The following PTPN2 variants were observed in gnomAD, a reference collection of about 807,000 sequenced individuals.
The protein encoded by PTPN2 is tyrosine-protein phosphatase non-receptor type 2.
A neutral mutation model predicts 57.3 loss-of-function variants in PTPN2; 19 were observed. The observed-to-expected ratio is 0.33, with a 90% confidence interval of 0.23 to 0.49. The LOEUF (loss-of-function observed/expected upper bound fraction) is 0.49. Ranked by LOEUF, PTPN2 falls within the 20% of genes least tolerant of loss-of-function variation. PTPN2 has a pLI of 0.99. For missense variants in PTPN2, 358 were observed against 501.1 expected (o/e 0.71, Z 2.73); for synonymous variants, 153 against 164.9 (o/e 0.93, Z 0.55).
At chr18:12,811,322 C>T (rs1339337409) in intron 7 of PTPN2, among the ~76,000 whole-genome samples, 2 of 152,060 alleles carry the variant, frequency 1.3e-5, no homozygotes, top group African/African-American at 2.4e-5. Context: ...TTGAAGTTTC[C>T]ACTCTTGACT....
Position 12,793,020 on chromosome 18 carries a change from C to A in PTPN2, c.*1258G>T. On this transcript the variant is annotated 3_prime_UTR_variant, in exon 9 of 9. Transcript: ENST00000309660. ...TAACCTCTTGACCCACCTGGACATC[C>A]AATGAGCATAGTTTGAAAACCACTG... The A allele has an allele frequency of 1.0e-6, 1 of 985,330 alleles. No homozygotes were observed. The highest frequency in any genetic ancestry group is 1.2e-6 in the Non-Finnish European group (1 of 829,838). 61.0% of individuals were successfully genotyped at this position (985,330 alleles called of 1,614,324 possible).
chr18:12,882,033 G>A (rs1598908869), intron 1 of PTPN2, among the ~76,000 whole-genome samples: 1 of 152,218 alleles, frequency 6.6e-6, no homozygotes, highest in Admixed American at 6.5e-5. Flanking sequence ...CTTGCCAGGA[G>A]CATTCTCTGC....
chr18:12,840,968 A>G, intron 2 of PTPN2: 1 of 1,453,194 alleles, frequency 6.9e-7, no homozygotes, highest in Non-Finnish European at 9.1e-7. Context: ...GAATACTTTC[A>G]GCAATCATAC....
At chr18:12,817,803 TTTTC>T (rs2042127731) in intron 5 of PTPN2, among the ~76,000 whole-genome samples, 1 of 152,172 alleles carries the variant, frequency 6.6e-6, no homozygotes, top group African/African-American at 2.4e-5. Context: ...GTTACCAATA[TTTTC>T]TTTAATTCAT....
At chr18:12,852,881 A>T (rs1210666608) in intron 2 of PTPN2, among the ~76,000 whole-genome samples, 7 of 152,220 alleles carry the variant, frequency 4.6e-5, no homozygotes, top group South Asian at 2.1e-4. Context: ...CTGAATTTTT[A>T]AAAAATTCTT....
intron 2 of PTPN2, among the ~76,000 whole-genome samples, chr18:12,852,092 C>T (rs576688515): frequency 6.6e-6 from 1 of 151,750 alleles, no homozygotes; most frequent in Non-Finnish European, 1.5e-5. Flanking sequence ...TTCAGTTATA[C>T]AAGATGGAAA....
intron 2 of PTPN2, among the ~76,000 whole-genome samples, chr18:12,842,528 A>G (rs2043079124): frequency 6.6e-6 from 1 of 152,190 alleles, no homozygotes; most frequent in African/African-American, 2.4e-5. Flanking sequence ...GGTCACATGT[A>G]AGCACAGATG....
chr18:12,795,289 T>C (rs1212988986), intron 8 of PTPN2, among the ~76,000 whole-genome samples: 2 of 152,282 alleles, frequency 1.3e-5, no homozygotes, highest in African/African-American at 2.4e-5. Context: ...AGAAATTTTT[T>C]TGGGGTGGTG....
At position 12,876,556 on chromosome 18, in the gene PTPN2, G is replaced by A. The variant is rs185502626; in HGVS notation, c.69+7517C>T. 3.7e-4 allele frequency among the ~76,000 whole-genome samples: 56 copies of A among 152,302 alleles called. No homozygotes were observed. In the East Asian group the frequency reaches 0.01, roughly 27 times the overall value. On this transcript the variant is annotated intron_variant, in intron 1 of 8. Transcript: ENST00000309660. Reference sequence around the variant, plus strand: ...GACAAACGCAACTATCTGGATTTCCGTAATTATAGATATCAGTAATCTATA... The same window carrying A: ...GACAAACGCAACTATCTGGATTTCCATAATTATAGATATCAGTAATCTATA...
chr18:12,849,031 T>C (rs1168728478), intron 2 of PTPN2, among the ~76,000 whole-genome samples: 1 of 152,134 alleles, frequency 6.6e-6, no homozygotes, highest in Non-Finnish European at 1.5e-5. Context: ...TAAGTATAAG[T>C]GGTAAGAATG....
At chr18:12,824,273 G>A (rs2042370992) in intron 5 of PTPN2, among the ~76,000 whole-genome samples, 1 of 152,194 alleles carries the variant, frequency 6.6e-6, no homozygotes, top group Non-Finnish European at 1.5e-5. Context: ...TCAAGAGACT[G>A]TATAATAAGC....
At chr18:12,866,309 G>A (rs2043990654) in intron 1 of PTPN2, among the ~76,000 whole-genome samples, 1 of 151,892 alleles carries the variant, frequency 6.6e-6, no homozygotes, top group Non-Finnish European at 1.5e-5. Flanking sequence ...GTGGTGGCGG[G>A]CGCCTGTAGT....
chr18:12,837,574 A>G (rs1456421081), intron 2 of PTPN2, among the ~76,000 whole-genome samples: 1 of 152,232 alleles, frequency 6.6e-6, no homozygotes, highest in Non-Finnish European at 1.5e-5. Context: ...ATACATTTAG[A>G]TGGGAAAGCA....
At chr18:12,807,586 A>AAAAATATATAT in intron 7 of PTPN2, among the ~76,000 whole-genome samples, 1 of 35,194 alleles carries the variant, frequency 2.8e-5, no homozygotes. Flanking sequence ...AAAAAAAAAA[A>AAAAATATATAT]ATATATATAT....
At chr18:12,800,976 T>C (rs924142953) in intron 8 of PTPN2, among the ~76,000 whole-genome samples, 2 of 152,266 alleles carry the variant, frequency 1.3e-5, no homozygotes, top group African/African-American at 4.8e-5. Flanking sequence ...TAAGCTTACA[T>C]GTTTAAATGT....
In PTPN2 at chr18:12,819,321, T is replaced by C. The variant is rs1031588599; in HGVS notation, c.496-1956A>G. The stretch of plus-strand genomic sequence containing the variant: ...AAAATTTCTCCATTACAAATTAAAA[T>C]GATCATGGTTTCTACGCTTTAAGAC... On this transcript the variant is annotated intron_variant, in intron 5 of 8. Transcript: ENST00000309660. The C allele has an allele frequency of 3.1e-6, 3 of 963,448 alleles. No homozygotes were observed. In the African/African-American group the frequency reaches 5.1e-5, roughly 16 times the overall value. 59.7% of individuals were successfully genotyped at this position (963,448 alleles called of 1,614,324 possible).
At chr18:12,828,115 G>GA (rs958873762) in intron 4 of PTPN2, among the ~76,000 whole-genome samples, 2 of 151,184 alleles carry the variant, frequency 1.3e-5, no homozygotes, top group Admixed American at 6.6e-5. Flanking sequence ...GAAGGAAATG[G>GA]AAAAAAAAAG....
intron 8 of PTPN2, among the ~76,000 whole-genome samples, chr18:12,797,625 C>T (rs1255268156): frequency 1.3e-5 from 2 of 152,184 alleles, no homozygotes; most frequent in East Asian, 1.9e-4. Context: ...AGACTACTCT[C>T]GATTTGTGAT....
chr18:12,825,243 G>A (rs972958253), intron 5 of PTPN2, among the ~76,000 whole-genome samples: 1 of 151,944 alleles, frequency 6.6e-6, no homozygotes, highest in African/African-American at 2.4e-5. Context: ...AACTCAATAG[G>A]GACAAATTTT....
Sources: gnomAD v4.1 joint callset for allele counts (sites outside exome capture counted in the v4.1 genomes callset) on GRCh38, gnomAD v4.1.1 for gene constraint, MANE v1.5 for transcripts, NCBI Gene and HGNC (gene_info 2026-07-23, HGNC 2026-07-21) for gene names.